RMDN2: variants seen among roughly 807,000 people sequenced by gnomAD.
The protein encoded by RMDN2 is regulator of microtubule dynamics 2, also known as regulator of microtubule dynamics protein 2.
In RMDN2, 61 loss-of-function variants were observed where a neutral mutation model predicts 52.8. The ratio of observed to expected loss-of-function variants is 1.16; its 90% CI spans 0.94 to 1.43. The LOEUF (loss-of-function observed/expected upper bound fraction) is 1.43, where lower values mean the gene tolerates loss of function less well. Ranked by LOEUF, RMDN2 falls within the 40% of genes most tolerant of loss-of-function variation. RMDN2 has a pLI of 0.00. For synonymous variants in RMDN2, 180 were observed against 153.1 expected, an observed-to-expected ratio of 1.18 and a Z score of -1.30; for missense variants, 592 against 475.3, an observed-to-expected ratio of 1.25 and a Z score of -2.28.
chr2:38,029,816 T>A (rs926753401), intron 10 of RMDN2: 4 of 151,702 alleles, frequency 2.6e-5, no homozygotes, highest in Non-Finnish European at 4.4e-5. Context: ...TACCCACCAC[T>A]AGATAATTTA....
chr2:37,987,965 A>G (rs1674259215), intron 5 of RMDN2, among the ~76,000 whole-genome samples: 1 of 152,204 alleles, frequency 6.6e-6, no homozygotes, highest in Non-Finnish European at 1.5e-5. Flanking sequence ...AAGCTGAAGC[A>G]TGAGAATTGC....
At chr2:38,032,729 C>T (rs35270497) in intron 10 of RMDN2, 18,600 of 152,302 alleles carry the variant, frequency 0.12, 1,470 homozygotes, top group Non-Finnish European at 0.18. Context: ...ATCCCAGCTA[C>T]TCAGGAGGCT....
chr2:37,936,787 A>G (rs929440517), intron 2 of RMDN2, among the ~76,000 whole-genome samples: 4 of 152,202 alleles, frequency 2.6e-5, no homozygotes, highest in Non-Finnish European at 4.4e-5. Context: ...TAGATACTTA[A>G]TATTAGCCCT....
chr2:37,947,319 T>C (rs1019563680), intron 2 of RMDN2, among the ~76,000 whole-genome samples: 2 of 152,176 alleles, frequency 1.3e-5, no homozygotes, highest in Non-Finnish European at 2.9e-5. Flanking sequence ...TTCTGAGTTA[T>C]TCAGTGAATT....
Position 37,989,623 on chromosome 2 carries a change from C to CTTTT in RMDN2, c.867+16_867+19dup. 3 of 1,289,230 alleles carry CTTTT rather than the reference C, an allele frequency of 2.3e-6. No homozygotes were observed. Among genetic ancestry groups the CTTTT allele is most frequent in the Non-Finnish European group, 3.2e-6 (3 of 949,300 alleles). 79.9% of individuals were successfully genotyped at this position (1,289,230 alleles called of 1,614,324 possible). ...CTATGGGCACCTCTTCAAGGTATTTCTTTTTTTTTTTTCATATTTCTTTTC... is the reference window on the plus strand; with the variant it reads ...CTATGGGCACCTCTTCAAGGTATTTCTTTTTTTTTTTTTTTTCATATTTCTTTTC... On this transcript the variant is annotated splice_region_variant and intron_variant, in intron 6 of 10. Transcript: ENST00000354545.
At chr2:38,051,189 T>C (rs576652456) in intron 10 of RMDN2, among the ~76,000 whole-genome samples, 71 of 152,302 alleles carry the variant, frequency 4.7e-4, no homozygotes, top group African/African-American at 1.6e-3. Flanking sequence ...TTCATGCAAT[T>C]AGACTGAGTC....
chr2:38,051,287 A>G (rs1176357870), intron 10 of RMDN2, among the ~76,000 whole-genome samples: 1 of 152,180 alleles, frequency 6.6e-6, no homozygotes, highest in Admixed American at 6.5e-5. Flanking sequence ...CATCCCTCAT[A>G]TTCAACTAGA....
intron 8 of RMDN2, among the ~76,000 whole-genome samples, chr2:37,999,677 C>G (rs968569431): frequency 2.6e-5 from 4 of 152,062 alleles, no homozygotes; most frequent in Non-Finnish European, 4.4e-5. Context: ...GACCCTGGCT[C>G]CCACACCCAG....
intron 2 of RMDN2, among the ~76,000 whole-genome samples, chr2:37,948,918 T>C (rs570726748): frequency 6.6e-6 from 1 of 152,262 alleles, no homozygotes; most frequent in African/African-American, 2.4e-5. Context: ...TCCTTTGGGG[T>C]AGCTCAGTGA....
At position 37,978,737 on chromosome 2, in the gene RMDN2, C is replaced by G. The variant is rs536496238; in HGVS notation, c.731-2546C>G. Among the ~76,000 whole-genome samples, 27 of 152,046 alleles carry G rather than the reference C, an allele frequency of 1.8e-4. No homozygotes were observed. In the South Asian group the frequency reaches 5.6e-3, roughly 32 times the overall value. ...AAGCCACAGTGAGCCATGATCTCAC[C>G]ACTGCACTGCAGAGTGGGTAACAGA... is the stretch of plus-strand genomic sequence containing the variant. On this transcript the variant is annotated intron_variant, in intron 4 of 10. Coordinates refer to ENST00000354545, the MANE Select transcript of RMDN2 (RefSeq NM_001170791.3).
intron 10 of RMDN2, among the ~76,000 whole-genome samples, chr2:38,008,803 T>C (rs1677501605): frequency 6.6e-6 from 1 of 152,244 alleles, no homozygotes; most frequent in South Asian, 2.1e-4. Flanking sequence ...CTAGCCTCGA[T>C]GGTCTTTACA....
intron 2 of RMDN2, among the ~76,000 whole-genome samples, chr2:37,947,277 T>C (rs1326604998): frequency 1.3e-5 from 2 of 152,110 alleles, no homozygotes; most frequent in Non-Finnish European, 2.9e-5. Flanking sequence ...TTCCTACTTA[T>C]GAATGAGAAT....
At chr2:37,973,679 G>A (rs1231619336) in intron 2 of RMDN2, among the ~76,000 whole-genome samples, 2 of 152,146 alleles carry the variant, frequency 1.3e-5, no homozygotes, top group Non-Finnish European at 1.5e-5. Flanking sequence ...GAGACTTGAA[G>A]GAGGTGAGGG....
intron 2 of RMDN2, among the ~76,000 whole-genome samples, chr2:37,930,254 C>T (rs1184242096): frequency 1.3e-5 from 2 of 152,182 alleles, no homozygotes; most frequent in African/African-American, 4.8e-5. Flanking sequence ...GCCACTTGGG[C>T]TACTGGCTAC....
At chr2:38,014,403 G>A (rs1678450495) in intron 10 of RMDN2, among the ~76,000 whole-genome samples, 1 of 152,208 alleles carries the variant, frequency 6.6e-6, no homozygotes, top group East Asian at 1.9e-4. Context: ...ATATGTAATG[G>A]TCTTGGTTGT....
At chr2:37,987,685 C>T (rs377412485) in intron 5 of RMDN2, among the ~76,000 whole-genome samples, 4 of 152,110 alleles carry the variant, frequency 2.6e-5, no homozygotes, top group East Asian at 1.9e-4. Flanking sequence ...TTGTAAACTA[C>T]GGACTTTGGA....
rs531160672 is a variant in RMDN2, at chr2:38,064,458, C to G, written c.1714-2524C>G. On this transcript the variant is annotated intron_variant, in intron 10 of 10. Transcript: ENST00000234195. ...TGAGCTGAGATCATACCATGGCACT[C>G]CAGCCTGGGTGACAGAGCGAGACTC... is the stretch of plus-strand genomic sequence containing the variant. Among the ~76,000 whole-genome samples the G allele has an allele frequency of 5.9e-5, 9 of 151,900 alleles. 1 individual carries two copies. In the South Asian group the frequency reaches 1.0e-3, roughly 18 times the overall value.
chr2:38,033,856 G>C (rs1414964293), intron 10 of RMDN2, among the ~76,000 whole-genome samples: 1 of 152,174 alleles, frequency 6.6e-6, no homozygotes, highest in Non-Finnish European at 1.5e-5. Context: ...ACAAACCACA[G>C]TTAGCCTGGG....
At position 38,017,399 on chromosome 2, in the gene RMDN2, A is replaced by G; in HGVS notation, c.*160A>G. 7.4e-7 allele frequency: 1 copy of G among 1,357,322 alleles called. No individual in the cohort carries two copies. Among genetic ancestry groups the G allele is most frequent in the Non-Finnish European group, 9.6e-7 (1 of 1,041,694 alleles). The allele number at this position is 1,357,322 out of a possible 1,614,324, so 84.1% of individuals were successfully genotyped here. A position where few individuals can be genotyped will look rare whatever the true frequency, so the allele number is the denominator to read the frequency against. ...CAGAATGCATTCCACTAGTAGCACT[A>G]CAAAATTAATTATGTTATTTGGAGA... On this transcript the variant is annotated 3_prime_UTR_variant, in exon 11 of 11. Coordinates refer to ENST00000354545, the MANE Select transcript of RMDN2 (RefSeq NM_001170791.3).
Sources: gnomAD v4.1 joint callset for allele counts (sites outside exome capture counted in the v4.1 genomes callset) on GRCh38, gnomAD v4.1.1 for gene constraint, MANE v1.5 for transcripts, NCBI Gene and HGNC (gene_info 2026-07-23, HGNC 2026-07-21) for gene names.